Variants in NSG2 observed in about 807,000 individuals in gnomAD.
NSG2 encodes the protein neuronal vesicle trafficking-associated protein 2.
A neutral mutation model predicts 16.9 loss-of-function variants in NSG2; 4 were observed. That is an observed-to-expected ratio of 0.24 (90% confidence interval 0.12 to 0.54). NSG2 has a LOEUF of 0.54. Among genes scored for constraint, NSG2 ranks in the 20% least tolerant of loss-of-function variants. NSG2 has a pLI of 0.95. For synonymous variants in NSG2, 98 were observed against 88.7 expected, an observed-to-expected ratio of 1.11 and a Z score of -0.59; for missense variants, 179 against 221.1, an observed-to-expected ratio of 0.81 and a Z score of 1.21.
Position 174,108,271 on chromosome 5 carries a change from T to TACG in NSG2, c.*766_*767insACG. 1 of 156,610 alleles carries TACG rather than the reference T, an allele frequency of 6.4e-6. No homozygotes were observed. The highest frequency in any genetic ancestry group is 1.4e-5 in the Non-Finnish European group (1 of 70,492). The allele number at this position is 156,610 out of a possible 1,614,324, so 9.7% of individuals were successfully genotyped here. A position where few individuals can be genotyped will look rare whatever the true frequency, so the allele number is the denominator to read the frequency against. On this transcript the variant is annotated 3_prime_UTR_variant, in exon 5 of 5. Transcript: ENST00000303177. ...GGGCAGATTTTCTTTGTCTTTTGCTTGCATTTTCTAGATCCACACCTGGAT... is the reference window on the plus strand; with the variant it reads ...GGGCAGATTTTCTTTGTCTTTTGCTTACGGCATTTTCTAGATCCACACCTGGAT...
At chr5:174,096,816 G>T (rs988285007) in intron 3 of NSG2, among the ~76,000 whole-genome samples, 1 of 152,170 alleles carries the variant, frequency 6.6e-6, no homozygotes, top group East Asian at 1.9e-4. Context: ...GGAGGCAGGG[G>T]TCGCTGCAGA....
rs191416019 is a variant in NSG2 at position 174,066,695 on chromosome 5, A to T, written c.213+2380A>T. The stretch of plus-strand genomic sequence containing the variant: ...GAATTATTTTTAAGTGTGCTTTTTT[A>T]AAAAAAAACAGAGTGTTAGGCATTT... On this transcript the variant is annotated intron_variant, in intron 3 of 4. Transcript: ENST00000303177. Among the ~76,000 whole-genome samples the T allele has an allele frequency of 9.9e-3, 1,445 of 146,232 alleles. 11 individuals are homozygous for T. The highest frequency in any genetic ancestry group is 0.03 in the African/African-American group (1,214 of 40,722).
chr5:174,073,567 C>T (rs1760280595), intron 3 of NSG2, among the ~76,000 whole-genome samples: 1 of 152,244 alleles, frequency 6.6e-6, no homozygotes, highest in South Asian at 2.1e-4. Flanking sequence ...TGTTTTTGTC[C>T]AGGTGCTTTC....
intron 2 of NSG2, among the ~76,000 whole-genome samples, chr5:174,062,917 G>A (rs543577578): frequency 6.6e-6 from 1 of 152,298 alleles, no homozygotes; most frequent in Admixed American, 6.5e-5. Flanking sequence ...TGAAAATTCT[G>A]TTAATTTGAG....
rs2113485452 is a variant in NSG2, at chr5:174,108,723, CT to C, written c.*1219del. ...GGAACCGTATCAGGCATTCGCCTGC[CT>C]CTCACAAATGTTTCAGGGAGGCCAG... On this transcript the variant is annotated 3_prime_UTR_variant, in exon 5 of 5. Transcript: ENST00000303177. 1 of 152,570 alleles carries C rather than the reference CT, an allele frequency of 6.6e-6. No homozygotes were observed. Among genetic ancestry groups the C allele is most frequent in the African/African-American group, 2.4e-5 (1 of 41,576 alleles). 9.5% of individuals were successfully genotyped at this position (152,570 alleles called of 1,614,324 possible).
chr5:174,093,607 C>T (rs1561673919), intron 3 of NSG2, among the ~76,000 whole-genome samples: 1 of 152,210 alleles, frequency 6.6e-6, no homozygotes, highest in Non-Finnish European at 1.5e-5. Context: ...TCTGCTCAAG[C>T]CCTATTGTCA....
At position 174,104,301 on chromosome 5, in the gene NSG2, C is replaced by T; in HGVS notation, c.287C>T (p.Thr96Ile). Reference protein sequence around the residue: ...IVFLVVYKAFTYDHSCPEGFV... With the variant: ...IVFLVVYKAFIYDHSCPEGFV... Reference sequence around the variant, plus strand: ...TTCCTGGTGGTTTACAAAGCCTTCACCTATGATCACAGCTGCCCAGAGGGA... The same window carrying T: ...TTCCTGGTGGTTTACAAAGCCTTCATCTATGATCACAGCTGCCCAGAGGGA... Residue 96 changes from threonine to isoleucine, a missense_variant, in exon 4 of 5, where the codon ACC becomes ATC. Coordinates refer to ENST00000303177, the MANE Select transcript of NSG2 (RefSeq NM_015980.5). 1 of 1,614,130 alleles carries T rather than the reference C, an allele frequency of 6.2e-7. No individual in the cohort carries two copies. The highest frequency in any genetic ancestry group is 8.5e-7 in the Non-Finnish European group (1 of 1,179,976).
At chr5:174,051,524 C>T (rs1026665440) in intron 2 of NSG2, among the ~76,000 whole-genome samples, 1 of 152,186 alleles carries the variant, frequency 6.6e-6, no homozygotes, top group African/African-American at 2.4e-5. Context: ...CATTCGTCGT[C>T]CATCTATCCA....
At chr5:174,092,465 G>C (rs1211706343) in intron 3 of NSG2, among the ~76,000 whole-genome samples, 3 of 152,236 alleles carry the variant, frequency 2.0e-5, no homozygotes, top group Non-Finnish European at 4.4e-5. Context: ...AGAGGGTATG[G>C]CCCTGCCCTT....
chr5:174,069,058 G>A (rs1157030527), intron 3 of NSG2, among the ~76,000 whole-genome samples: 2 of 151,018 alleles, frequency 1.3e-5, no homozygotes, highest in African/African-American at 4.9e-5. Flanking sequence ...CTGGTGCTGT[G>A]GAAGGTGTTG....
rs1760995445 is a variant in NSG2 at position 174,107,154 on chromosome 5, G to A, written c.325-160G>A. Among the ~76,000 whole-genome samples, 1 of 152,194 alleles carries A rather than the reference G, an allele frequency of 6.6e-6. No individual in the cohort carries two copies. The highest frequency in any genetic ancestry group is 2.1e-4 in the South Asian group (1 of 4,836). ...CTTTGCTGTTTGTGCTGGTGCTGGT[G>A]TTGGGAAGGCTGCTGCGTGCCAGGC... is the stretch of plus-strand genomic sequence containing the variant. On this transcript the variant is annotated intron_variant, in intron 4 of 4. Coordinates refer to ENST00000303177, the MANE Select transcript of NSG2 (RefSeq NM_015980.5). This position sits in a 1 kb window ranked among gnomAD's most constrained non-coding sequence, Gnocchi z 4.5.
At chr5:174,057,442 GT>G (rs1413774714) in intron 2 of NSG2, among the ~76,000 whole-genome samples, 1 of 152,022 alleles carries the variant, frequency 6.6e-6, no homozygotes, top group Admixed American at 6.5e-5. Context: ...TGACTTTATC[GT>G]TTATGGAAGG....
At position 174,052,191 on chromosome 5, in the gene NSG2, T is replaced by C. The variant is rs894704597; in HGVS notation, c.129+5307T>C. Among the ~76,000 whole-genome samples the C allele has an allele frequency of 3.3e-5, 5 of 152,098 alleles. No individual in the cohort carries two copies. The East Asian group carries it at 7.7e-4, about 23-fold the overall frequency. ...GTCCCCCAAAACAGGGGTGACTGAG[T>C]TGCCTGAAGCACCCCCGATATGGGA... On this transcript the variant is annotated intron_variant, in intron 2 of 4. Transcript: ENST00000303177.
rs544485692 is a variant in NSG2, at chr5:174,073,359, T to C, written c.213+9044T>C. On this transcript the variant is annotated intron_variant, in intron 3 of 4. Transcript: ENST00000303177. Reference sequence around the variant, plus strand: ...TGTCTTGGTTTTTATTGCTCTCTCTTTCTTTTAAATTTTGAGGAACATTTT... The same window carrying C: ...TGTCTTGGTTTTTATTGCTCTCTCTCTCTTTTAAATTTTGAGGAACATTTT... Among the ~76,000 whole-genome samples the C allele has an allele frequency of 2.6e-5, 4 of 152,338 alleles. No individual in the cohort carries two copies. In the South Asian group the frequency reaches 6.2e-4, roughly 24 times the overall value.
intron 2 of NSG2, among the ~76,000 whole-genome samples, chr5:174,053,188 A>G (rs1759918872): frequency 2.0e-5 from 3 of 152,192 alleles, no homozygotes; most frequent in Admixed American, 6.5e-5. Flanking sequence ...AAAACAGGCA[A>G]TAATATCTAC....
At chr5:174,060,346 A>G (rs1363527319) in intron 2 of NSG2, among the ~76,000 whole-genome samples, 1 of 152,134 alleles carries the variant, frequency 6.6e-6, no homozygotes, top group Non-Finnish European at 1.5e-5. Flanking sequence ...GGGAGCGAGA[A>G]AGACTAAGAA....
chr5:174,046,935 G>A, intron 2 of NSG2, 51 bp downstream of exon 2: 1 of 1,592,660 alleles, frequency 6.3e-7, no homozygotes, highest in South Asian at 1.1e-5. Context: ...CCCCATCTCA[G>A]GAAATAAAGC....
chr5:174,046,750 G>GT lies in NSG2; in HGVS notation c.-5dup, dbSNP rs1561659624. On this transcript the variant is annotated 5_prime_UTR_variant, in exon 2 of 5. Transcript: ENST00000303177. The stretch of plus-strand genomic sequence containing the variant: ...TTGCCTTAGGTCTGGGAAGAAAGGC[G>GT]TAAGGATGGTGAAGCTGAACAGTAA... 2 of 1,614,002 alleles carry GT rather than the reference G, an allele frequency of 1.2e-6. No homozygotes were observed. Among genetic ancestry groups the GT allele is most frequent in the East Asian group, 2.2e-5 (1 of 44,868 alleles).
chr5:174,082,258 T>C (rs972692769), intron 3 of NSG2: 11 of 152,208 alleles, frequency 7.2e-5, no homozygotes, highest in Non-Finnish European at 2.9e-5. Context: ...GTAGATGGTA[T>C]GGATGATTCA....
Sources: gnomAD v4.1 joint callset for allele counts (sites outside exome capture counted in the v4.1 genomes callset) on GRCh38, gnomAD v4.1.1 for gene constraint, Gnocchi (gnomAD v3.1) non-coding constraint, MANE v1.5 for transcripts, NCBI Gene and HGNC (gene_info 2026-07-23, HGNC 2026-07-21) for gene names.